The following DLG2 variants were observed in gnomAD, a reference collection of about 807,000 sequenced individuals.
DLG2 encodes the protein disks large homolog 2.
In DLG2, 45 loss-of-function variants were observed where a neutral mutation model predicts 132.5. The ratio of observed to expected loss-of-function variants is 0.34; its 90% confidence interval spans 0.27 to 0.44. The LOEUF (loss-of-function observed/expected upper bound fraction) is 0.44, where lower values mean the gene tolerates loss of function less well. Ranked by LOEUF, DLG2 falls within the 20% of genes least tolerant of loss-of-function variation. The pLI, the probability that DLG2 is intolerant of heterozygous loss-of-function variation, is 1.00. For missense variants in DLG2, 1,045 were observed against 1,196.9 expected, an observed-to-expected ratio of 0.87 and a Z score of 1.87; for synonymous variants, 424 against 419.6, an observed-to-expected ratio of 1.01 and a Z score of -0.13.
intron 6 of DLG2, among the ~76,000 whole-genome samples, chr11:84,738,463 C>T (rs141451958): frequency 0.034 from 5,135 of 152,072 alleles, 133 homozygotes; most frequent in Non-Finnish European, 0.053. Context: ...AATTTGCTAC[C>T]TTCTTGATTT....
At chr11:85,169,157 G>C (rs1225565515) in intron 4 of DLG2, among the ~76,000 whole-genome samples, 1 of 152,030 alleles carries the variant, frequency 6.6e-6, no homozygotes, top group Admixed American at 6.5e-5. Flanking sequence ...TATAAAAATA[G>C]TTGTTGTACT....
chr11:85,429,526 C>T (rs1010003785), intron 3 of DLG2, among the ~76,000 whole-genome samples: 1 of 152,012 alleles, frequency 6.6e-6, no homozygotes, highest in Non-Finnish European at 1.5e-5. Context: ...AAAAACACAA[C>T]CCCACCAAAA....
chr11:84,943,173 T>TGC (rs2049711055), intron 6 of DLG2, among the ~76,000 whole-genome samples: 1 of 143,232 alleles, frequency 7.0e-6, no homozygotes, highest in African/African-American at 2.8e-5. Flanking sequence ...TGTGCGTGTG[T>TGC]GTGTGTGTGT....
At chr11:83,963,104 T>A (rs1489579888) in intron 13 of DLG2, 81 bp from the exon 14 acceptor site, 1 of 1,480,500 alleles carries the variant, frequency 6.8e-7, no homozygotes, top group Non-Finnish European at 9.3e-7. Context: ...GAAAAATGTA[T>A]TAAAAACAGA....
intron 3 of DLG2, among the ~76,000 whole-genome samples, chr11:85,490,726 A>G: frequency 6.6e-6 from 1 of 152,104 alleles, no homozygotes; most frequent in East Asian, 1.9e-4. Flanking sequence ...TTCTAAAATC[A>G]TACAACCTCC....
At chr11:85,270,076 G>C (rs1175831578) in intron 4 of DLG2, among the ~76,000 whole-genome samples, 1 of 152,130 alleles carries the variant, frequency 6.6e-6, no homozygotes, top group Non-Finnish European at 1.5e-5. Context: ...CCAGTAGAAT[G>C]GATGAGTGAA....
At chr11:83,812,176 AC>A (rs1442797411) in intron 17 of DLG2, among the ~76,000 whole-genome samples, 1 of 152,014 alleles carries the variant, frequency 6.6e-6, no homozygotes, top group Non-Finnish European at 1.5e-5. Flanking sequence ...TTCAAATCCT[AC>A]TTCTCCTATG....
intron 21 of DLG2, among the ~76,000 whole-genome samples, chr11:83,517,002 T>C (rs1451116157): frequency 6.6e-6 from 1 of 152,194 alleles, no homozygotes; most frequent in African/African-American, 2.4e-5. Flanking sequence ...ATTATGTGTC[T>C]TGGAGTTGCT....
At chr11:85,542,061 C>A (rs919588836) in intron 3 of DLG2, among the ~76,000 whole-genome samples, 3 of 152,150 alleles carry the variant, frequency 2.0e-5, no homozygotes, top group Non-Finnish European at 4.4e-5. Context: ...TACAACAACT[C>A]CAGAATTGAG....
chr11:85,344,518 C>T (rs1282650575), intron 3 of DLG2, among the ~76,000 whole-genome samples: 1 of 152,136 alleles, frequency 6.6e-6, no homozygotes, highest in Non-Finnish European at 1.5e-5. Flanking sequence ...AAATTCTATT[C>T]TCTTGCCCAT....
intron 6 of DLG2, among the ~76,000 whole-genome samples, chr11:84,656,422 T>C (rs981681535): frequency 9.2e-5 from 14 of 152,056 alleles, no homozygotes; most frequent in African/African-American, 3.1e-4. Context: ...CAAAACAATA[T>C]AATACACTGA....
chr11:84,821,130 A>G (rs977118331), intron 6 of DLG2, among the ~76,000 whole-genome samples: 1 of 151,938 alleles, frequency 6.6e-6, no homozygotes. Context: ...TTACTTAATG[A>G]TAATCATTTT....
chr11:83,619,682 G>A (rs548665810), intron 19 of DLG2, among the ~76,000 whole-genome samples: 10 of 152,190 alleles, frequency 6.6e-5, no homozygotes, highest in East Asian at 1.9e-4. Context: ...GTATCATGGA[G>A]GCCCCCATTT....
chr11:84,316,713 C>T, intron 7 of DLG2: 2 of 1,153,376 alleles, frequency 1.7e-6, no homozygotes, highest in East Asian at 2.6e-5. Flanking sequence ...TAATATTTTA[C>T]ATACAGGCAT....
chr11:84,528,859 A>G (rs1488296792), intron 7 of DLG2, among the ~76,000 whole-genome samples: 1 of 152,222 alleles, frequency 6.6e-6, no homozygotes, highest in African/African-American at 2.4e-5. Context: ...CAACTTGATT[A>G]GGAAATGTAT....
intron 3 of DLG2, among the ~76,000 whole-genome samples, chr11:85,462,954 T>A (rs2092664976): frequency 6.6e-6 from 1 of 152,132 alleles, no homozygotes; most frequent in Non-Finnish European, 1.5e-5. Context: ...GCAAGCTGTA[T>A]CTCTCTTCAC....
chr11:85,069,463 A>G (rs2154166077), intron 6 of DLG2, among the ~76,000 whole-genome samples: 1 of 152,276 alleles, frequency 6.6e-6, no homozygotes, highest in African/African-American at 2.4e-5. Context: ...CAAGAAAAAA[A>G]CAAACAACCC....
At chr11:85,191,160 G>GCACACACACA (rs1256970184) in intron 4 of DLG2, among the ~76,000 whole-genome samples, 46 of 101,098 alleles carry the variant, frequency 4.6e-4, no homozygotes, top group African/African-American at 2.0e-3. Flanking sequence ...GCGCGCACGC[G>GCACACACACA]CGCACACACA....
At chr11:83,776,295 A>T (rs996796326) in intron 18 of DLG2, among the ~76,000 whole-genome samples, 1 of 151,770 alleles carries the variant, frequency 6.6e-6, no homozygotes, top group African/African-American at 2.4e-5. Context: ...ACTTCTCTCT[A>T]CCTATTCTGC....
Sources: gnomAD v4.1 joint callset for allele counts (sites outside exome capture counted in the v4.1 genomes callset) on GRCh38, gnomAD v4.1.1 for gene constraint, MANE v1.5 for transcripts, NCBI Gene and HGNC (gene_info 2026-07-23, HGNC 2026-07-21) for gene names.